Variants in USP50 observed in about 807,000 individuals in gnomAD.
The protein encoded by USP50 is ubiquitin carboxyl-terminal hydrolase 50.
Under a neutral mutation model 39.2 loss-of-function variants are expected in USP50, and 37 were observed. That is an observed-to-expected ratio of 0.94 (90% CI 0.73 to 1.24). The LOEUF is 1.24. Among genes scored for constraint, USP50 ranks in the 50% most tolerant of loss-of-function variants. The pLI is 0.00. For missense variants in USP50, 374 were observed against 398.2 expected, an observed-to-expected ratio of 0.94 and a Z score of 0.52; for synonymous variants, 139 against 144.5, an observed-to-expected ratio of 0.96 and a Z score of 0.27.
At chr15:50,545,641 TCTTAAG>T in intron 1 of USP50, among the ~76,000 whole-genome samples, 1 of 148,710 alleles carries the variant, frequency 6.7e-6, no homozygotes, top group Non-Finnish European at 1.5e-5. Flanking sequence ...AATATATATA[TCTTAAG>T]AGCACACATA....
chr15:50,498,877 T>A, downstream of USP50: 1 of 1,567,780 alleles, frequency 6.4e-7, no homozygotes, highest in Non-Finnish European at 8.6e-7. Flanking sequence ...CTGAATTGAT[T>A]TTTTTTTCTA....
At chr15:50,497,153 A>G (rs375149813), downstream of USP50, 15 of 1,610,662 alleles carry the variant, frequency 9.3e-6, no homozygotes, top group African/African-American at 1.3e-5. Flanking sequence ...TACTGCAGTC[A>G]TTGCAGAGCT....
chr15:50,542,481 A>ATTTTTTTTTTTTT (rs11292495), intron 3 of USP50, among the ~76,000 whole-genome samples: 1 of 97,396 alleles, frequency 1.0e-5, no homozygotes, highest in African/African-American at 4.0e-5. Context: ...TTTCCTTTTC[A>ATTTTTTTTTTTTT]TTTTTTTTTT....
At chr15:50,523,175 CTT>C (rs57450027) in intron 6 of USP50, among the ~76,000 whole-genome samples, 15 of 104,184 alleles carry the variant, frequency 1.4e-4, no homozygotes, top group Admixed American at 2.7e-4. Context: ...AAATCAGTAG[CTT>C]TTTTTTTTTT....
chr15:50,532,549 A>G (rs774404327), intron 5 of USP50, among the ~76,000 whole-genome samples: 2 of 152,142 alleles, frequency 1.3e-5, no homozygotes, highest in South Asian at 2.1e-4. Flanking sequence ...ATTAAGGTCT[A>G]TTTAAGTCAG....
At chr15:50,497,879 C>T (rs1397762159), downstream of USP50, among the ~76,000 whole-genome samples, 1 of 152,088 alleles carries the variant, frequency 6.6e-6, no homozygotes, top group Non-Finnish European at 1.5e-5. Context: ...GTCAAAAAAG[C>T]ATTTCTGTTA....
At chr15:50,532,968 T>C (rs559186411) in intron 5 of USP50, among the ~76,000 whole-genome samples, 35 of 152,248 alleles carry the variant, frequency 2.3e-4, no homozygotes, top group African/African-American at 7.9e-4. Flanking sequence ...TCTCTGAGCT[T>C]GAGGAACCTC....
intron 6 of USP50, chr15:50,514,431 C>G (rs1229823876): frequency 1.3e-5 from 2 of 152,206 alleles, no homozygotes; most frequent in African/African-American, 4.8e-5. Context: ...AGGGCAGTGT[C>G]TCATACCTGT....
intron 3 of USP50, among the ~76,000 whole-genome samples, chr15:50,543,148 G>A (rs986396330): frequency 3.3e-5 from 5 of 152,062 alleles, no homozygotes; most frequent in African/African-American, 1.2e-4. Context: ...CTAATATCAA[G>A]CTTAATATTT....
At position 50,500,707 on chromosome 15, in the gene USP50, TC is replaced by T. The variant is rs1194544039; in HGVS notation, c.*61del. On this transcript the variant is annotated 3_prime_UTR_variant, in exon 7 of 7. Coordinates refer to ENST00000532404, the MANE Select transcript of USP50 (RefSeq NM_203494.5). Reference sequence around the variant, plus strand: ...GGGCTGGCAGCTATAGAACAGGAGATCCATAGCATTTTGAACAGAAGTATCT... The same window carrying T: ...GGGCTGGCAGCTATAGAACAGGAGATCATAGCATTTTGAACAGAAGTATCT... 4.1e-6 allele frequency: 6 copies of T among 1,471,518 alleles called. No individual in the cohort carries two copies. The Admixed American group carries it at 9.8e-5, about 24-fold the overall frequency. The allele number at this position is 1,471,518 out of a possible 1,614,324, so 91.2% of individuals were successfully genotyped here.
intron 6 of USP50, among the ~76,000 whole-genome samples, chr15:50,519,226 G>T (rs1332585829): frequency 6.6e-6 from 1 of 152,102 alleles, no homozygotes; most frequent in Non-Finnish European, 1.5e-5. Flanking sequence ...AGCAGAGGCT[G>T]CAGTGAGCTG....
At chr15:50,538,309 AAG>A (rs2052999860) in intron 5 of USP50, among the ~76,000 whole-genome samples, 1 of 150,980 alleles carries the variant, frequency 6.6e-6, no homozygotes, top group African/African-American at 2.4e-5. Context: ...AAGACAGAAA[AAG>A]AAAAGAAAAG....
At chr15:50,524,701 T>G (rs941328832) in intron 6 of USP50, among the ~76,000 whole-genome samples, 2 of 152,156 alleles carry the variant, frequency 1.3e-5, no homozygotes, top group African/African-American at 4.8e-5. Context: ...TGGAAAATGG[T>G]ATAAAGATTT....
At position 50,521,396 on chromosome 15, in the gene USP50, G is replaced by A. The variant is rs376335779; in HGVS notation, c.936+8401C>T. ...GTATACATGTATCAAAATACCACAT[G>A]TACCTTGTATGTACAATTATTATGT... On this transcript the variant is annotated intron_variant, in intron 6 of 6. Coordinates refer to ENST00000532404, the MANE Select transcript of USP50 (RefSeq NM_203494.5). Among the ~76,000 whole-genome samples the A allele has an allele frequency of 2.0e-5, 3 of 152,156 alleles. No individual in the cohort carries two copies. In the East Asian group the frequency reaches 5.8e-4, roughly 29 times the overall value.
At chr15:50,515,648 A>ATG (rs1018363039) in intron 6 of USP50, among the ~76,000 whole-genome samples, 21 of 91,340 alleles carry the variant, frequency 2.3e-4, no homozygotes, top group African/African-American at 1.1e-3. Flanking sequence ...TAAAATATAT[A>ATG]TGTGTATATA....
intron 6 of USP50, chr15:50,501,263 C>T (rs1421422661): frequency 6.6e-6 from 1 of 150,960 alleles, no homozygotes; most frequent in African/African-American, 2.5e-5. Context: ...AGTTCAAGAC[C>T]AGCCTGGGCA....
chr15:50,545,029 G>A (rs920071798), intron 1 of USP50, among the ~76,000 whole-genome samples: 8 of 152,048 alleles, frequency 5.3e-5, no homozygotes, highest in Non-Finnish European at 7.4e-5. Context: ...CTTGAGGCCA[G>A]GAGTTTGAGA....
chr15:50,532,992 AAAAC>A (rs201154975), intron 5 of USP50, among the ~76,000 whole-genome samples: 1,625 of 152,234 alleles, frequency 0.011, 17 homozygotes, highest in Non-Finnish European at 0.016. Flanking sequence ...AGAAACTTTT[AAAAC>A]TGAAAAGAAG....
chr15:50,541,506 A>G (rs28405754), intron 3 of USP50, among the ~76,000 whole-genome samples: 9,996 of 151,920 alleles, frequency 0.066, 471 homozygotes, highest in African/African-American at 0.13. Flanking sequence ...GAGTGAGACC[A>G]TGTTTCCAAA....
Sources: allele counts gnomAD v4.1 joint callset (sites outside exome capture counted in the v4.1 genomes callset), GRCh38; gene constraint gnomAD v4.1.1; transcripts MANE v1.5; gene names NCBI Gene and HGNC (gene_info 2026-07-23, HGNC 2026-07-21).